CDC37: variants seen among roughly 807,000 people sequenced by gnomAD.
CDC37 encodes the protein cell division cycle 37, HSP90 cochaperone, also known as hsp90 co-chaperone Cdc37.
Under a neutral mutation model 46.9 loss-of-function variants are expected in CDC37, and 9 were observed. The ratio of observed to expected loss-of-function variants is 0.19; its 90% CI spans 0.12 to 0.33. The LOEUF (loss-of-function observed/expected upper bound fraction) is 0.33. Among genes scored for constraint, CDC37 ranks in the 10% least tolerant of loss-of-function variants. CDC37 has a pLI of 1.00. For missense variants in CDC37, 388 were observed against 514.6 expected (o/e 0.75, Z 2.38); for synonymous variants, 193 against 191.0 (o/e 1.01, Z -0.09).
intron 1 of CDC37, among the ~76,000 whole-genome samples, chr19:10,397,383 G>C (rs1270026548): frequency 1.3e-5 from 2 of 149,858 alleles, no homozygotes; most frequent in Non-Finnish European, 3.0e-5. Context: ...AAGTAGCTGG[G>C]ACTACAGGTG....
rs373049246 is a variant in CDC37 at position 10,391,575 on chromosome 19, G to A, written c.1113C>T (p.Gly371=). The change falls in exon 8 of 8, where the codon GGC becomes GGT. Residue 371 remains glycine, a synonymous_variant. Coordinates refer to ENST00000222005, the MANE Select transcript of CDC37 (RefSeq NM_007065.4). ...GTCACACACTGACATCCTTCTCATC[G>A]CCCGTCTTGGGAACAGCTTCCAGTA... The part of the protein sequence containing the change: ...DPLLEAVPKT[G]DEKDVSV 33 of 1,614,064 alleles carry A rather than the reference G, an allele frequency of 2.0e-5. No homozygotes were observed. The highest frequency in any genetic ancestry group is 1.3e-4 in the African/African-American group (10 of 74,932).
Position 10,396,149 on chromosome 19 carries a change from C to T in CDC37, c.157G>A (p.Gly53Ser), listed in dbSNP as rs1172086595. 6.2e-7 allele frequency: 1 copy of T among 1,614,002 alleles called. No homozygotes were observed. Among genetic ancestry groups the T allele is most frequent in the Non-Finnish European group, 8.5e-7 (1 of 1,180,024 alleles). ...FQKEKEELDR[G>S]CRECKRKVAE... is the part of the protein sequence containing the mutation. ...ACCTTGCGCTTGCACTCGCGGCAGC[C>T]CCTGTCCAGTTCCTCCTTCTCCTTC... The change falls in exon 2 of 8, where the codon GGC becomes AGC. Residue 53 changes from glycine (G) to serine (S), a missense_variant. This residue lies in a region of CDC37 where 374 missense variants were observed against 467.4 expected (regional missense o/e 0.80). Coordinates refer to ENST00000222005, the MANE Select transcript of CDC37 (RefSeq NM_007065.4). This position sits in a 1 kb window ranked among gnomAD's most constrained non-coding sequence, Gnocchi z 5.9.
chr19:10,397,892 TCTC>T (rs1345916411), intron 1 of CDC37, among the ~76,000 whole-genome samples: 3 of 152,030 alleles, frequency 2.0e-5, no homozygotes, highest in African/African-American at 7.3e-5. Flanking sequence ...CAGTGCCTCA[TCTC>T]CTCAGGCTCC....
chr19:10,393,470 C>T lies in CDC37; in HGVS notation c.727-29G>A. The T allele has an allele frequency of 6.3e-7, 1 of 1,592,446 alleles. No homozygotes were observed. Among genetic ancestry groups the T allele is most frequent in the Non-Finnish European group, 8.5e-7 (1 of 1,169,958 alleles). ...TGGGGGTTGGGCAGTGCTCACTGGA[C>T]CTGGCCCAACGCTCAGGAGGGACTG... On this transcript the variant is annotated intron_variant, in intron 5 of 7. Transcript: ENST00000222005. This position sits in a 1 kb window ranked among gnomAD's most constrained non-coding sequence, Gnocchi z 4.9.
rs767381105 is a variant in CDC37, at chr19:10,403,532, C to G, written c.-53G>C. 12 of 1,378,132 alleles carry G rather than the reference C, an allele frequency of 8.7e-6. No homozygotes were observed. The highest frequency in any genetic ancestry group is 1.4e-5 in the African/African-American group (1 of 70,510). The allele number at this position is 1,378,132 out of a possible 1,614,324, so 85.4% of individuals were successfully genotyped here. A position where few individuals can be genotyped will look rare whatever the true frequency, so the allele number is the denominator to read the frequency against. On this transcript the variant is annotated 5_prime_UTR_variant, in exon 1 of 8. Transcript: ENST00000222005. ...GCTCGGGTGGCGGCGACGGCGGCAG[C>G]AGTGGAGACTAGGAGCGCGGAGCCC...
intron 1 of CDC37, among the ~76,000 whole-genome samples, chr19:10,402,157 CAAAAA>C (rs753021871): frequency 4.7e-5 from 3 of 63,836 alleles, no homozygotes; most frequent in Non-Finnish European, 2.9e-5. Context: ...AACTTCGTCT[CAAAAA>C]AAAAAAAAAA....
Position 10,391,420 on chromosome 19 carries a change from G to A in CDC37, c.*131C>T, listed in dbSNP as rs1847911223. ...ACAGTGGAGAGGCCAGGGAGGGCTGGGCGGGCCCCCCAGGCTGGGCCGAGC... is the reference window on the plus strand; with the variant it reads ...ACAGTGGAGAGGCCAGGGAGGGCTGAGCGGGCCCCCCAGGCTGGGCCGAGC... On this transcript the variant is annotated 3_prime_UTR_variant, in exon 8 of 8. Coordinates refer to ENST00000222005, the MANE Select transcript of CDC37 (RefSeq NM_007065.4). 3 of 1,090,350 alleles carry A rather than the reference G, an allele frequency of 2.8e-6. No individual in the cohort carries two copies. The highest frequency in any genetic ancestry group is 4.2e-6 in the Non-Finnish European group (3 of 717,076). The allele number at this position is 1,090,350 out of a possible 1,614,324, so 67.5% of individuals were successfully genotyped here.
At position 10,396,048 on chromosome 19, in the gene CDC37, G is replaced by A. The variant is rs140896014; in HGVS notation, c.258C>T (p.Ala86=). The change falls in exon 2 of 8, where the codon GCC becomes GCT. Residue 86 remains alanine, a synonymous_variant. Coordinates refer to ENST00000222005, the MANE Select transcript of CDC37 (RefSeq NM_007065.4). The surrounding 1 kb of genome is among the most constrained non-coding windows in gnomAD (Gnocchi z 5.9). ...CCTCCTTGCGCAGCTGCTGTGCCTCGGCCTGCAGGCGCTCCAGCTCTGCCT... is the reference window on the plus strand; with the variant it reads ...CCTCCTTGCGCAGCTGCTGTGCCTCAGCCTGCAGGCGCTCCAGCTCTGCCT... ...GGKAELERLQ[A]EAQQLRKEER... is the part of the protein sequence containing the mutation. 1,440 of 1,609,436 alleles carry A rather than the reference G, an allele frequency of 8.9e-4. 1 individual carries two copies. The highest frequency in any genetic ancestry group is 1.1e-3 in the Non-Finnish European group (1,308 of 1,178,506).
intron 5 of CDC37, 76 bp downstream of exon 5, chr19:10,394,945 C>T (rs1454076739): frequency 1.4e-5 from 20 of 1,449,352 alleles, no homozygotes; most frequent in East Asian, 2.3e-5. Flanking sequence ...GGAGAGGAGT[C>T]GGCCTTACCT....
rs777263663 is a variant in CDC37, at chr19:10,403,496, A to C, written c.-17T>G. ...GTCCACCATCTTGCCTTGGCGGCCC[A>C]GCCCGCTCCGGCTCGGGTGGCGGCG... On this transcript the variant is annotated 5_prime_UTR_variant, in exon 1 of 8. Coordinates refer to ENST00000222005, the MANE Select transcript of CDC37 (RefSeq NM_007065.4). 3 of 1,597,868 alleles carry C rather than the reference A, an allele frequency of 1.9e-6. No individual in the cohort carries two copies.
At chr19:10,402,682 A>G (rs2042526018) in intron 1 of CDC37, among the ~76,000 whole-genome samples, 1 of 152,174 alleles carries the variant, frequency 6.6e-6, no homozygotes, top group Non-Finnish European at 1.5e-5. Flanking sequence ...GTGAGGCTCT[A>G]TCGGGTTGGA....
chr19:10,403,528 G>T lies in CDC37; in HGVS notation c.-49C>A. 1 of 1,425,718 alleles carries T rather than the reference G, an allele frequency of 7.0e-7. No individual in the cohort carries two copies. Among genetic ancestry groups the T allele is most frequent in the South Asian group, 1.2e-5 (1 of 86,272 alleles). The allele number at this position is 1,425,718 out of a possible 1,614,324, so 88.3% of individuals were successfully genotyped here. On this transcript the variant is annotated 5_prime_UTR_variant, in exon 1 of 8. Coordinates refer to ENST00000222005, the MANE Select transcript of CDC37 (RefSeq NM_007065.4). ...TCCGGCTCGGGTGGCGGCGACGGCG[G>T]CAGCAGTGGAGACTAGGAGCGCGGA...
At chr19:10,392,723 A>C in intron 7 of CDC37, 1 of 291,178 alleles carries the variant, frequency 3.4e-6, no homozygotes, top group Admixed American at 4.9e-5. Context: ...AAGTAGACAA[A>C]ATCCAATTAA....
In CDC37 at chr19:10,391,395, A is replaced by C; in HGVS notation, c.*156T>G. On this transcript the variant is annotated 3_prime_UTR_variant, in exon 8 of 8. Coordinates refer to ENST00000222005, the MANE Select transcript of CDC37 (RefSeq NM_007065.4). ...CTTGAATGGGCGCTGGAGAGTGGAG[A>C]CAGTGGAGAGGCCAGGGAGGGCTGG... 2 of 810,282 alleles carry C rather than the reference A, an allele frequency of 2.5e-6. No individual in the cohort carries two copies. The allele number at this position is 810,282 out of a possible 1,614,324, so 50.2% of individuals were successfully genotyped here.
At chr19:10,392,666 C>T (rs1383565662) in intron 7 of CDC37, 1 of 196,718 alleles carries the variant, frequency 5.1e-6, no homozygotes, top group Admixed American at 5.4e-5. Context: ...CCTGGGAGGT[C>T]GAGACTGCAG....
At chr19:10,392,890 A>T (rs1347382419) in intron 7 of CDC37, 196 bp downstream of exon 7, 1 of 604,136 alleles carries the variant, frequency 1.7e-6, no homozygotes, top group Non-Finnish European at 3.0e-6. Context: ...CTCAAAGCTC[A>T]GCATTTATCT....
chr19:10,391,756 C>T (rs770411253), intron 7 of CDC37, 50 bp from the exon 8 acceptor site: 1 of 1,566,076 alleles, frequency 6.4e-7, no homozygotes, highest in African/African-American at 1.4e-5. Context: ...CCGGTGGTCC[C>T]CGTTGTCCCC....
intron 5 of CDC37, among the ~76,000 whole-genome samples, chr19:10,394,697 C>G (rs780097595): frequency 1.3e-5 from 2 of 151,828 alleles, no homozygotes; most frequent in African/African-American, 2.4e-5. Context: ...CCACCATGCC[C>G]GGCTAATTTT....
At chr19:10,401,081 G>C (rs890754623) in intron 1 of CDC37, among the ~76,000 whole-genome samples, 2 of 152,306 alleles carry the variant, frequency 1.3e-5, no homozygotes, top group South Asian at 4.1e-4. Context: ...CCTGTGCTCT[G>C]AACGACAGCA....
Sources: allele counts gnomAD v4.1 joint callset (sites outside exome capture counted in the v4.1 genomes callset), GRCh38; gene constraint gnomAD v4.1.1; regional missense constraint gnomAD v4.1.1; non-coding constraint Gnocchi (gnomAD v3.1); transcripts MANE v1.5; gene names NCBI Gene and HGNC (gene_info 2026-07-23, HGNC 2026-07-21).